The following FALEC variants were observed in gnomAD, a reference collection of about 807,000 sequenced individuals.
The protein encoded by FALEC is focally amplified lncRNA regulator of ECM1, also known as focally amplified lncRNA on chromosome 1.
chr1:150,535,954 C>T, the FALEC span, among the ~76,000 whole-genome samples: 1 of 152,228 alleles, frequency 6.6e-6, no homozygotes, highest in Non-Finnish European at 1.5e-5. Flanking sequence ...ATCACACAGT[C>T]CTCCATGCCA....
chr1:150,521,133 T>C (rs1670637343), downstream of FALEC, among the ~76,000 whole-genome samples: 1 of 152,198 alleles, frequency 6.6e-6, no homozygotes, highest in African/African-American at 2.4e-5. Flanking sequence ...TTCAGAAATA[T>C]GCCAATTTAT....
At chr1:150,531,823 C>T in the FALEC span, among the ~76,000 whole-genome samples, 1 of 152,224 alleles carries the variant, frequency 6.6e-6, no homozygotes, top group Non-Finnish European at 1.5e-5. Flanking sequence ...CACCAACAGC[C>T]TCCAATCAGG....
At chr1:150,529,016 C>CAAAAAAAAAAAAAAAAAAGAAAA in the FALEC span, among the ~76,000 whole-genome samples, 1 of 59,292 alleles carries the variant, frequency 1.7e-5, no homozygotes, top group African/African-American at 7.7e-5. Context: ...AAATAAATAG[C>CAAAAAAAAAAAAAAAAAAGAAAA]AAAAAAAAAA....
the FALEC span, among the ~76,000 whole-genome samples, chr1:150,525,023 G>C: frequency 1.3e-5 from 2 of 148,958 alleles, no homozygotes; most frequent in African/African-American, 4.9e-5. Context: ...AAGGCCTGGT[G>C]CAGTGGCTCA....
At chr1:150,524,001 C>T in the FALEC span, among the ~76,000 whole-genome samples, 2 of 152,168 alleles carry the variant, frequency 1.3e-5, no homozygotes, top group Non-Finnish European at 2.9e-5. Context: ...GCAAAAGAAT[C>T]TTTCTCCCCC....
chr1:150,517,701 G>A (rs1670588052), intron 1 of FALEC: 1 of 152,276 alleles, frequency 6.6e-6, no homozygotes, highest in South Asian at 2.1e-4. Context: ...CATGATCTAG[G>A]ACTTCTAGCC....
the FALEC span, among the ~76,000 whole-genome samples, chr1:150,527,416 G>A: frequency 0.054 from 8,233 of 151,400 alleles, 298 homozygotes; most frequent in Middle Eastern, 0.086. Context: ...CCACCACCAC[G>A]CCTGGCTAAT....
chr1:150,533,191 G>A, the FALEC span, among the ~76,000 whole-genome samples: 32 of 152,276 alleles, frequency 2.1e-4, no homozygotes, highest in East Asian at 3.9e-4. Flanking sequence ...TGCCTCAGCC[G>A]TTTTTTCAGG....
chr1:150,525,947 C>T, the FALEC span, among the ~76,000 whole-genome samples: 4 of 152,098 alleles, frequency 2.6e-5, no homozygotes, highest in African/African-American at 4.8e-5. Context: ...CAGCCATGTA[C>T]GTTTTATGTA....
the FALEC span, among the ~76,000 whole-genome samples, chr1:150,525,998 T>C: frequency 6.6e-6 from 1 of 152,236 alleles, no homozygotes; most frequent in African/African-American, 2.4e-5. Context: ...GTTTGGTTTC[T>C]TTCACTCAGC....
At chr1:150,531,135 C>G in the FALEC span, among the ~76,000 whole-genome samples, 1 of 152,150 alleles carries the variant, frequency 6.6e-6, no homozygotes, top group Non-Finnish European at 1.5e-5. Flanking sequence ...AAAGAATCCC[C>G]AAATGACTGA....
chr1:150,535,398 C>T, the FALEC span, among the ~76,000 whole-genome samples: 4 of 152,180 alleles, frequency 2.6e-5, no homozygotes, highest in South Asian at 2.1e-4. Flanking sequence ...CGCCCGCCAC[C>T]ACGCCTGGCT....
chr1:150,519,083 G>T (rs1339759180), downstream of FALEC, among the ~76,000 whole-genome samples: 1 of 152,072 alleles, frequency 6.6e-6, no homozygotes, highest in Non-Finnish European at 1.5e-5. Flanking sequence ...AATAATAAAA[G>T]TATGCAAAAC....
chr1:150,521,680 G>C (rs1670644579), downstream of FALEC, among the ~76,000 whole-genome samples: 1 of 152,144 alleles, frequency 6.6e-6, no homozygotes, highest in Non-Finnish European at 1.5e-5. Context: ...CCAGCACCAT[G>C]TGTTGAAAAG....
chr1:150,515,948 G>A (rs1410616574), exon 1 of FALEC: 1 of 152,338 alleles, frequency 6.6e-6, no homozygotes, highest in African/African-American at 2.4e-5. Context: ...GCGGAGACTT[G>A]TCTTTAAAGG....
the FALEC span, among the ~76,000 whole-genome samples, chr1:150,534,369 C>T: frequency 2.0e-5 from 3 of 152,226 alleles, no homozygotes; most frequent in African/African-American, 7.2e-5. Context: ...AGCCCCGCAC[C>T]TTCATAGAAA....
At chr1:150,526,170 G>T in the FALEC span, among the ~76,000 whole-genome samples, 1 of 151,882 alleles carries the variant, frequency 6.6e-6, no homozygotes, top group Non-Finnish European at 1.5e-5. Flanking sequence ...AGACCACGGT[G>T]AAACCCCGTC....
chr1:150,528,713 T>C, the FALEC span, among the ~76,000 whole-genome samples: 1 of 151,608 alleles, frequency 6.6e-6, no homozygotes, highest in Non-Finnish European at 1.5e-5. Flanking sequence ...TCCCGAGTAG[T>C]AACTGGGACT....
the FALEC span, among the ~76,000 whole-genome samples, chr1:150,531,478 G>GA: frequency 2.9e-4 from 42 of 145,846 alleles, no homozygotes; most frequent in Admixed American, 4.8e-4. Flanking sequence ...TCCATCTCAA[G>GA]AAAAAAAAAA....
Sources: gnomAD v4.1 joint callset for allele counts (sites outside exome capture counted in the v4.1 genomes callset) on GRCh38, gnomAD v4.1.1 for gene constraint, MANE v1.5 for transcripts, NCBI Gene and HGNC (gene_info 2026-07-23, HGNC 2026-07-21) for gene names.